PTBP2: variants seen among roughly 807,000 people sequenced by gnomAD.
PTBP2 encodes the protein polypyrimidine tract-binding protein 2.
In PTBP2, 13 loss-of-function variants were observed where a neutral mutation model predicts 61.4. The ratio of observed to expected loss-of-function variants is 0.21; its 90% CI spans 0.14 to 0.34. PTBP2 has a LOEUF of 0.34. PTBP2 is among the 10% of genes least tolerant of loss of function. The probability of loss-of-function intolerance (pLI) is 1.00; values close to 1 mark genes in which losing one functional copy is unlikely to be tolerated. For missense variants in PTBP2, 405 were observed against 642.6 expected (o/e 0.63, Z 4.00); for synonymous variants, 215 against 218.5 (o/e 0.98, Z 0.14).
intron 7 of PTBP2, among the ~76,000 whole-genome samples, chr1:96,783,449 A>G (rs895316730): frequency 1.3e-5 from 2 of 152,040 alleles, no homozygotes; most frequent in Non-Finnish European, 2.9e-5. Context: ...TCATTGTTAG[A>G]TAATTTGGCA....
chr1:96,790,329 T>C (rs1433672286), intron 8 of PTBP2, among the ~76,000 whole-genome samples: 2 of 151,974 alleles, frequency 1.3e-5, no homozygotes, highest in African/African-American at 4.8e-5. Context: ...AGACATCTAA[T>C]ATCTGGTTGC....
At chr1:96,804,430 A>AATTTTTTTTTTTTTTTTTT in intron 8 of PTBP2, among the ~76,000 whole-genome samples, 1 of 152,270 alleles carries the variant, frequency 6.6e-6, no homozygotes, top group South Asian at 2.1e-4. Flanking sequence ...CGAAAGTGAT[A>AATTTTTTTTTTTTTTTTTT]CTTTTTTACA....
At chr1:96,747,508 TA>T (rs1197569189) in intron 2 of PTBP2, among the ~76,000 whole-genome samples, 2 of 152,164 alleles carry the variant, frequency 1.3e-5, no homozygotes, top group African/African-American at 4.8e-5. Context: ...GTATTGTATT[TA>T]GTAGGGATCT....
intron 8 of PTBP2, among the ~76,000 whole-genome samples, chr1:96,802,235 A>C (rs1378821058): frequency 6.7e-6 from 1 of 148,204 alleles, no homozygotes; most frequent in African/African-American, 2.5e-5. Context: ...AAAAAAAAAG[A>C]ACCCACATTA....
At chr1:96,821,729 A>G (rs1662690206) in exon 14 of PTBP2, 1 of 152,162 alleles carries the variant, frequency 6.6e-6, no homozygotes, top group African/African-American at 2.4e-5. Flanking sequence ...CTCGGGTTCA[A>G]GCAATTCTCC....
intron 8 of PTBP2, among the ~76,000 whole-genome samples, chr1:96,801,926 A>G (rs1661036767): frequency 6.8e-6 from 1 of 147,566 alleles, no homozygotes; most frequent in Non-Finnish European, 1.5e-5. Flanking sequence ...TAGAACCCAC[A>G]TTAGGCCGGG....
chr1:96,749,669 T>C (rs1468626502), intron 2 of PTBP2: 1 of 456,014 alleles, frequency 2.2e-6, no homozygotes, highest in Non-Finnish European at 4.4e-6. Context: ...GGCCAAAAAA[T>C]ATGTAACAGT....
chr1:96,809,093 G>A (rs1661780891), intron 11 of PTBP2, among the ~76,000 whole-genome samples: 1 of 152,142 alleles, frequency 6.6e-6, no homozygotes, highest in African/African-American at 2.4e-5. Context: ...AACAGTTTAT[G>A]TATATGTGTG....
chr1:96,768,814 C>T (rs1405461137), intron 3 of PTBP2, among the ~76,000 whole-genome samples: 4 of 151,806 alleles, frequency 2.6e-5, no homozygotes, highest in South Asian at 2.1e-4. Context: ...GTAGTTTAGA[C>T]GGCAATAGTA....
At position 96,810,718 on chromosome 1, in the gene PTBP2, C is replaced by G. The variant is rs539939937; in HGVS notation, c.1172-1994C>G. 2.0e-5 allele frequency among the ~76,000 whole-genome samples: 3 copies of G among 152,262 alleles called. No individual in the cohort carries two copies. The South Asian group carries it at 6.2e-4, about 32-fold the overall frequency. ...TACTTATTTATATCACTTTATTTCTCAAACTCACACTTAATAACACATTTT... is the reference window on the plus strand; with the variant it reads ...TACTTATTTATATCACTTTATTTCTGAAACTCACACTTAATAACACATTTT... On this transcript the variant is annotated intron_variant, in intron 11 of 13. Transcript: ENST00000674951.
chr1:96,813,242 T>C (rs748447193), intron 13 of PTBP2, 34 bp from the exon 14 acceptor site: 6 of 1,574,198 alleles, frequency 3.8e-6, no homozygotes, highest in Non-Finnish European at 4.3e-6. Flanking sequence ...CTAATTTGTA[T>C]GAAGTGTCTA....
At chr1:96,732,638 A>G (rs955918799) in intron 2 of PTBP2, among the ~76,000 whole-genome samples, 1 of 152,220 alleles carries the variant, frequency 6.6e-6, no homozygotes, top group Non-Finnish European at 1.5e-5. Context: ...AGAAATAAGG[A>G]CTCAAGGTTT....
At chr1:96,785,429 C>G (rs950006585) in intron 8 of PTBP2, among the ~76,000 whole-genome samples, 175 bp downstream of exon 8, 2 of 152,144 alleles carry the variant, frequency 1.3e-5, no homozygotes, top group Non-Finnish European at 2.9e-5. Flanking sequence ...CCAAAGTATT[C>G]TTTATAAGTC....
At chr1:96,795,055 A>G (rs116904762) in intron 8 of PTBP2, among the ~76,000 whole-genome samples, 2 of 152,296 alleles carry the variant, frequency 1.3e-5, no homozygotes, top group East Asian at 3.9e-4. Context: ...TTATGTACCA[A>G]GTTTTAGATG....
intron 2 of PTBP2, among the ~76,000 whole-genome samples, chr1:96,726,125 A>G (rs1012713707): frequency 2.1e-5 from 3 of 144,830 alleles, no homozygotes; most frequent in African/African-American, 7.7e-5. Context: ...AAACTGCTTC[A>G]CAGCTTTTTT....
intron 3 of PTBP2, among the ~76,000 whole-genome samples, chr1:96,762,551 C>T (rs78334761): frequency 7.1e-6 from 1 of 141,036 alleles, no homozygotes; most frequent in African/African-American, 2.6e-5. Context: ...GGGCTGACCC[C>T]CCGACCTCCT....
intron 2 of PTBP2, among the ~76,000 whole-genome samples, chr1:96,737,035 A>G (rs1021653267): frequency 6.6e-6 from 1 of 151,098 alleles, no homozygotes; most frequent in East Asian, 2.0e-4. Context: ...GCTGGAGTAC[A>G]GTGGCTCTAT....
rs763218605 is a variant in PTBP2 at position 96,785,039 on chromosome 1, T to C, written c.709-20T>C. The C allele has an allele frequency of 1.2e-5, 18 of 1,479,760 alleles. No individual in the cohort carries two copies. Among genetic ancestry groups the C allele is most frequent in the African/African-American group, 5.9e-5 (4 of 67,760 alleles). The allele number at this position is 1,479,760 out of a possible 1,614,324, so 91.7% of individuals were successfully genotyped here. A position where few individuals can be genotyped will look rare whatever the true frequency, so the allele number is the denominator to read the frequency against. On this transcript the variant is annotated intron_variant, in intron 7 of 13. Transcript: ENST00000674951. Reference sequence around the variant, plus strand: ...TATTTTTTGTTTAAGATTGCTGATATGCTTTATTCACTTTTACAGGCCCTA... The same window carrying C: ...TATTTTTTGTTTAAGATTGCTGATACGCTTTATTCACTTTTACAGGCCCTA...
chr1:96,723,508 G>A, intron 1 of PTBP2, 56 bp from the exon 2 acceptor site: 1 of 1,483,048 alleles, frequency 6.7e-7, no homozygotes, highest in East Asian at 2.3e-5. Flanking sequence ...TAGAGCCAAA[G>A]AGTGAGTGAT....
Sources: gnomAD v4.1 joint callset for allele counts (sites outside exome capture counted in the v4.1 genomes callset) on GRCh38, gnomAD v4.1.1 for gene constraint, MANE v1.5 for transcripts, NCBI Gene and HGNC (gene_info 2026-07-23, HGNC 2026-07-21) for gene names.